The following PISD variants were observed in gnomAD, a reference collection of about 807,000 sequenced individuals.
PISD encodes the protein phosphatidylserine decarboxylase.
In PISD, 31 loss-of-function variants were observed where a neutral mutation model predicts 43.5. The observed-to-expected ratio is 0.71, with a 90% CI of 0.54 to 0.96. The LOEUF (loss-of-function observed/expected upper bound fraction) is 0.96, where lower values mean the gene tolerates loss of function less well. PISD is among the 40% of genes least tolerant of loss of function. PISD has a pLI of 0.00. For synonymous variants in PISD, 259 were observed against 228.7 expected (o/e 1.13, Z -1.20); for missense variants, 523 against 548.4 (o/e 0.95, Z 0.46).
intron 1 of PISD, among the ~76,000 whole-genome samples, chr22:31,658,083 G>A (rs896852496): frequency 6.6e-6 from 1 of 152,142 alleles, no homozygotes; most frequent in Admixed American, 6.6e-5. Flanking sequence ...TTTGTTTACT[G>A]TATGTATACC....
chr22:31,652,235 G>A (rs1394889074), intron 1 of PISD, among the ~76,000 whole-genome samples: 1 of 151,976 alleles, frequency 6.6e-6, no homozygotes, highest in East Asian at 2.0e-4. Flanking sequence ...GGGTTCAAGC[G>A]ATTGTCATGC....
intron 1 of PISD, among the ~76,000 whole-genome samples, chr22:31,653,071 T>G (rs530051306): frequency 1.3e-5 from 2 of 148,736 alleles, no homozygotes; most frequent in South Asian, 4.2e-4. Flanking sequence ...CACACCCACC[T>G]TGCAGCATAG....
intron 3 of PISD, chr22:31,625,633 C>T: frequency 1.6e-6 from 2 of 1,222,244 alleles, no homozygotes; most frequent in Non-Finnish European, 2.3e-6. Context: ...CCAGGCTCCT[C>T]CAGCCTCGGG....
At chr22:31,628,697 G>A (rs1346936246) in intron 3 of PISD, among the ~76,000 whole-genome samples, 1 of 152,160 alleles carries the variant, frequency 6.6e-6, no homozygotes, top group Admixed American at 6.5e-5. Context: ...TCTAAGTCTT[G>A]GTTTGTACAT....
intron 6 of PISD, 106 bp downstream of exon 6, chr22:31,620,890 G>A (rs893942498): frequency 1.4e-6 from 2 of 1,414,136 alleles, no homozygotes; most frequent in Non-Finnish European, 1.9e-6. Flanking sequence ...TCAACTCCTG[G>A]CCTCAATGAC....
At chr22:31,656,649 AAAATAAAT>A (rs59608474) in intron 1 of PISD, among the ~76,000 whole-genome samples, 7,276 of 149,206 alleles carry the variant, frequency 0.049, 165 homozygotes, top group African/African-American at 0.063. Flanking sequence ...CTGCGTCTCA[AAAATAAAT>A]AAATAAATAA....
chr22:31,662,377 G>C (rs2074348071), upstream of PISD: 2 of 653,680 alleles, frequency 3.1e-6, no homozygotes, highest in Non-Finnish European at 5.4e-6. Context: ...TGGCACCTGC[G>C]GAGGTAGGGG....
chr22:31,658,207 C>G (rs1192407641), intron 1 of PISD, among the ~76,000 whole-genome samples: 1 of 152,214 alleles, frequency 6.6e-6, no homozygotes, highest in East Asian at 1.9e-4. Context: ...TACATGCATT[C>G]TACATCGCAT....
intron 3 of PISD, among the ~76,000 whole-genome samples, chr22:31,625,187 TGGCGAACCCCGCTCAGGCTCA>T (rs2072833995): frequency 6.6e-6 from 1 of 152,176 alleles, no homozygotes; most frequent in Non-Finnish European, 1.5e-5. Flanking sequence ...GGCGAACCAG[TGGCGAACCCCGCTCAGGCTCA>T]GGCTCAGAGC....
intron 3 of PISD, among the ~76,000 whole-genome samples, chr22:31,624,788 C>A (rs1405533688): frequency 6.6e-6 from 1 of 151,846 alleles, no homozygotes; most frequent in Admixed American, 6.6e-5. Flanking sequence ...TGCATCCAGC[C>A]TCTCTGTGAT....
At chr22:31,662,069 G>C in intron 1 of PISD, 75 bp downstream of exon 1, 1 of 1,363,154 alleles carries the variant, frequency 7.3e-7, no homozygotes. Context: ...CCGCGACACA[G>C]AAACATCTCT....
chr22:31,639,233 G>A (rs1051703265), intron 3 of PISD, among the ~76,000 whole-genome samples: 3 of 149,930 alleles, frequency 2.0e-5, no homozygotes, highest in Non-Finnish European at 4.4e-5. Context: ...GTGCAATGGC[G>A]CAGTCTCGGC....
At chr22:31,634,425 C>A (rs985174561) in intron 3 of PISD, among the ~76,000 whole-genome samples, 1 of 152,194 alleles carries the variant, frequency 6.6e-6, no homozygotes, top group Non-Finnish European at 1.5e-5. Flanking sequence ...TCGTTTTTGG[C>A]AGTCCCACTA....
chr22:31,634,942 G>A (rs1478664234), intron 3 of PISD, among the ~76,000 whole-genome samples: 10 of 148,444 alleles, frequency 6.7e-5, no homozygotes, highest in African/African-American at 9.9e-5. Flanking sequence ...TGAGGTGGGC[G>A]GATCACCTGA....
chr22:31,648,416 G>A (rs914850846), intron 2 of PISD, 140 bp from the exon 3 acceptor site: 19 of 659,384 alleles, frequency 2.9e-5, no homozygotes, highest in Admixed American at 9.0e-5. Flanking sequence ...CATGGCTCAC[G>A]CCTGTAATCT....
intron 3 of PISD, among the ~76,000 whole-genome samples, chr22:31,638,130 C>T (rs1247736320): frequency 1.3e-5 from 2 of 152,222 alleles, no homozygotes; most frequent in Non-Finnish European, 2.9e-5. Context: ...GCTGTGCCTG[C>T]CCTTGGCTGT....
chr22:31,620,901 C>A, intron 6 of PISD, 95 bp downstream of exon 6: 1 of 1,454,222 alleles, frequency 6.9e-7, no homozygotes. Flanking sequence ...CCTCAATGAC[C>A]CTGATCTGGA....
chr22:31,630,274 G>T lies in PISD; in HGVS notation c.322-8389C>A, dbSNP rs1025517575. On this transcript the variant is annotated intron_variant, in intron 3 of 7. Transcript: ENST00000439502. This position sits in a 1 kb window ranked among gnomAD's most constrained non-coding sequence, Gnocchi z 4.4. The stretch of plus-strand genomic sequence containing the variant: ...GGAACCTCCTCTCAGACAACTCTGG[G>T]TGCTGAGGGGAACCGGCTCTGGGCA... Among the ~76,000 whole-genome samples, 1 of 152,080 alleles carries T rather than the reference G, an allele frequency of 6.6e-6. No individual in the cohort carries two copies. Among genetic ancestry groups the T allele is most frequent in the Non-Finnish European group, 1.5e-5 (1 of 67,998 alleles).
intron 3 of PISD, among the ~76,000 whole-genome samples, chr22:31,642,197 A>T (rs2073754165): frequency 6.6e-6 from 1 of 151,188 alleles, no homozygotes; most frequent in Non-Finnish European, 1.5e-5. Flanking sequence ...AGGGTGGCTC[A>T]CACCTGGAAT....
Sources: gnomAD v4.1 joint callset for allele counts (sites outside exome capture counted in the v4.1 genomes callset) on GRCh38, gnomAD v4.1.1 for gene constraint, Gnocchi (gnomAD v3.1) non-coding constraint, MANE v1.5 for transcripts, NCBI Gene and HGNC (gene_info 2026-07-23, HGNC 2026-07-21) for gene names.